NFATC2: variants seen among roughly 807,000 people sequenced by gnomAD.
NFATC2 encodes nuclear factor of activated T-cells, cytoplasmic 2.
NFATC2 carries 22 observed loss-of-function variants against 87.3 expected under a neutral mutation model. That is an observed-to-expected ratio of 0.25 (90% CI 0.18 to 0.36). NFATC2 has a LOEUF of 0.36. Among genes scored for constraint, NFATC2 ranks in the 10% least tolerant of loss-of-function variants. NFATC2 has a pLI of 1.00. For missense variants in NFATC2, 1,149 were observed against 1,259.1 expected (o/e 0.91, Z 1.32); for synonymous variants, 565 against 542.2 (o/e 1.04, Z -0.58).
intron 8 of NFATC2, among the ~76,000 whole-genome samples, chr20:51,434,891 T>C (rs1257128323): frequency 6.6e-6 from 1 of 152,180 alleles, no homozygotes; most frequent in African/African-American, 2.4e-5. Context: ...ACCCTTCTGC[T>C]GAACATGCGT....
intron 6 of NFATC2, among the ~76,000 whole-genome samples, chr20:51,436,104 T>G (rs6096431): frequency 0.4 from 61,172 of 151,768 alleles, 13,247 homozygotes; most frequent in African/African-American, 0.56. Context: ...AGGACTAATG[T>G]AGGTGGGAGA....
chr20:51,401,727 A>ACC (rs113752066), intron 9 of NFATC2, among the ~76,000 whole-genome samples: 2,272 of 152,314 alleles, frequency 0.015, 59 homozygotes, highest in African/African-American at 0.052. Context: ...TTGCATTTTT[A>ACC]CCCCAGGCAT....
intron 1 of NFATC2, among the ~76,000 whole-genome samples, chr20:51,552,761 T>C (rs1383897028): frequency 1.3e-5 from 2 of 152,204 alleles, no homozygotes; most frequent in African/African-American, 4.8e-5. Context: ...AGGCATATTA[T>C]GTTTGGCCTG....
intron 9 of NFATC2, among the ~76,000 whole-genome samples, chr20:51,412,863 T>A (rs1979454068): frequency 6.6e-6 from 1 of 151,796 alleles, no homozygotes; most frequent in Non-Finnish European, 1.5e-5. Flanking sequence ...TACTTCTGTG[T>A]CCAAAACAAG....
upstream of NFATC2, among the ~76,000 whole-genome samples, chr20:51,544,373 C>CGTGA (rs1387997715): frequency 1.3e-5 from 2 of 152,110 alleles, no homozygotes; most frequent in African/African-American, 4.8e-5. Flanking sequence ...TTAAGATCCT[C>CGTGA]GTGAGAACCA....
At chr20:51,548,929 A>C (rs368490926) in intron 1 of NFATC2, among the ~76,000 whole-genome samples, 15 of 152,336 alleles carry the variant, frequency 9.8e-5, no homozygotes, top group African/African-American at 3.6e-4. Context: ...AATACCTGTA[A>C]TTATTTGTAG....
At chr20:51,550,670 T>A (rs2076925580) in intron 1 of NFATC2, among the ~76,000 whole-genome samples, 2 of 152,192 alleles carry the variant, frequency 1.3e-5, no homozygotes, top group Admixed American at 1.3e-4. Flanking sequence ...TAGCTTAGTC[T>A]AGCCTACCTT....
Position 51,432,683 on chromosome 20 carries a change from C to G in NFATC2, c.2106G>C (p.Leu702=). 6.3e-7 allele frequency: 1 copy of G among 1,576,972 alleles called. No homozygotes were observed. Among genetic ancestry groups the G allele is most frequent in the Non-Finnish European group, 8.6e-7 (1 of 1,168,728 alleles). Residue 702 remains leucine (L), a synonymous_variant, in exon 9 of 11, where the codon CTG becomes CTC. Coordinates refer to ENST00000371564, the MANE Select transcript of NFATC2 (RefSeq NM_012340.5). The surrounding 1 kb of genome is among the most constrained non-coding windows in gnomAD (Gnocchi z 4.6). ...GCTGGGGGTAGTAAGGCTGGCTCCCCAGGCCTCCATGGGTGGGGCTGCAGA... is the reference window on the plus strand; with the variant it reads ...GCTGGGGGTAGTAAGGCTGGCTCCCGAGGCCTCCATGGGTGGGGCTGCAGA... ...TLICSPTHGG[L]GSQPYYPQHP... is the part of the protein sequence containing the mutation.
In NFATC2 at chr20:51,523,648, G is replaced by T. The variant is rs377414796; in HGVS notation, c.593C>A (p.Pro198His). Reference sequence around the variant, plus strand: ...TTGAAACTGCGGACACAGGTCGTCGGGCCCGCCGTTATTGGGCGAGACGCA... The same window carrying T: ...TTGAAACTGCGGACACAGGTCGTCGTGCCCGCCGTTATTGGGCGAGACGCA... ...SPCVSPNNGG[P>H]DDLCPQFQNI... Residue 198 changes from proline to histidine, a missense_variant, in exon 2 of 11, where the codon CCC (proline) becomes CAC (histidine). Around this residue, in one of 3 missense-constraint regions of NFATC2, gnomAD observed 563 missense variants for 585.2 expected, o/e 0.96. Transcript: ENST00000371564. The surrounding 1 kb of genome is among the most constrained non-coding windows in gnomAD (Gnocchi z 6.9). 2 of 1,613,688 alleles carry T rather than the reference G, an allele frequency of 1.2e-6. No homozygotes were observed. Among genetic ancestry groups the T allele is most frequent in the Non-Finnish European group, 1.7e-6 (2 of 1,179,828 alleles).
chr20:51,551,745 A>C (rs558559646), intron 1 of NFATC2, among the ~76,000 whole-genome samples: 9 of 152,026 alleles, frequency 5.9e-5, no homozygotes, highest in African/African-American at 1.9e-4. Context: ...ATATTATATT[A>C]GGTCGCACAC....
At chr20:51,431,178 T>C (rs1982651361) in intron 9 of NFATC2, among the ~76,000 whole-genome samples, 1 of 152,152 alleles carries the variant, frequency 6.6e-6, no homozygotes, top group Non-Finnish European at 1.5e-5. Context: ...CAAAAAATTT[T>C]AAAAGAAAAA....
chr20:51,501,588 T>C (rs903725529), intron 3 of NFATC2, among the ~76,000 whole-genome samples: 3 of 152,170 alleles, frequency 2.0e-5, no homozygotes, highest in African/African-American at 4.8e-5. Context: ...CAAAATTCCA[T>C]TCAAACGGCA....
chr20:51,435,633 GA>G (rs1249582950), intron 7 of NFATC2, 72 bp downstream of exon 7: 5 of 1,487,746 alleles, frequency 3.4e-6, no homozygotes, highest in Non-Finnish European at 3.7e-6. Context: ...AGGAAGGAGG[GA>G]AAGAAGGAAA....
At chr20:51,513,550 C>T (rs928266188) in intron 3 of NFATC2, among the ~76,000 whole-genome samples, 2 of 152,216 alleles carry the variant, frequency 1.3e-5, no homozygotes, top group African/African-American at 4.8e-5. Context: ...TGGGAGCTAT[C>T]AGAGGGAGAA....
At chr20:51,490,095 G>A (rs2075856750) in intron 3 of NFATC2, among the ~76,000 whole-genome samples, 1 of 152,134 alleles carries the variant, frequency 6.6e-6, no homozygotes, top group Non-Finnish European at 1.5e-5. Flanking sequence ...GGGGAAAACT[G>A]GATAATAGGG....
chr20:51,427,018 A>C (rs1981937215), intron 9 of NFATC2, among the ~76,000 whole-genome samples: 1 of 152,090 alleles, frequency 6.6e-6, no homozygotes, highest in African/African-American at 2.4e-5. Context: ...TATCCTCACA[A>C]GTCACTGCAG....
chr20:51,501,788 G>C (rs2076093654), intron 3 of NFATC2, among the ~76,000 whole-genome samples: 1 of 152,244 alleles, frequency 6.6e-6, no homozygotes, highest in Non-Finnish European at 1.5e-5. Flanking sequence ...TATCTATTCT[G>C]TTCATTACTC....
chr20:51,442,707 GTTT>G (rs11422409), intron 6 of NFATC2, among the ~76,000 whole-genome samples: 5 of 139,830 alleles, frequency 3.6e-5, no homozygotes, highest in East Asian at 2.0e-4. Flanking sequence ...AATAAAGTTT[GTTT>G]TTTTTTTTTT....
Position 51,391,471 on chromosome 20 carries a change from G to GA in NFATC2, c.*45-21_*45-20insT, listed in dbSNP as rs759828148. The GA allele has an allele frequency of 3.9e-5, 62 of 1,579,098 alleles. No homozygotes were observed. Among genetic ancestry groups the GA allele is most frequent in the African/African-American group, 2.6e-4 (18 of 69,838 alleles). On this transcript the variant is annotated intron_variant, in intron 10 of 10. Coordinates refer to ENST00000371564, the MANE Select transcript of NFATC2 (RefSeq NM_012340.5). ...CATTAACTACAAAAGAAAAGAGGAG[G>GA]GGGGGGGAGAGAGAATGGGGCAAGT...
Sources: gnomAD v4.1 joint callset for allele counts (sites outside exome capture counted in the v4.1 genomes callset) on GRCh38, gnomAD v4.1.1 for gene constraint, gnomAD v4.1.1 regional missense constraint, Gnocchi (gnomAD v3.1) non-coding constraint, MANE v1.5 for transcripts, NCBI Gene and HGNC (gene_info 2026-07-23, HGNC 2026-07-21) for gene names.